The following GATAD2A variants were observed in gnomAD, a reference collection of about 807,000 sequenced individuals.
The protein encoded by GATAD2A is GATA zinc finger domain containing 2A.
GATAD2A carries 12 observed loss-of-function variants against 68.5 expected under a neutral mutation model. The ratio of observed to expected loss-of-function variants is 0.18; its 90% CI spans 0.11 to 0.28. The LOEUF is 0.28. Among genes scored for constraint, GATAD2A ranks in the 10% least tolerant of loss-of-function variants. The pLI, the probability that GATAD2A is intolerant of heterozygous loss-of-function variation, is 1.00. For missense variants in GATAD2A, 755 were observed against 868.5 expected (o/e 0.87, Z 1.64); for synonymous variants, 410 against 375.3 (o/e 1.09, Z -1.07).
intron 2 of GATAD2A, among the ~76,000 whole-genome samples, chr19:19,480,622 C>T (rs2058990417): frequency 1.3e-5 from 2 of 152,336 alleles, no homozygotes; most frequent in South Asian, 2.1e-4. Flanking sequence ...GACGTTTAAT[C>T]GCATTTCATG....
chr19:19,397,370 T>C (rs539643769), intron 1 of GATAD2A, among the ~76,000 whole-genome samples: 1 of 151,704 alleles, frequency 6.6e-6, no homozygotes, highest in East Asian at 1.9e-4. Context: ...AGCAGGAGAA[T>C]GAGTAATGTG....
chr19:19,420,928 C>T (rs1046005093), intron 1 of GATAD2A, among the ~76,000 whole-genome samples: 1 of 152,182 alleles, frequency 6.6e-6, no homozygotes, highest in African/African-American at 2.4e-5. Flanking sequence ...GCCACTGTTT[C>T]CTCTTTCAGT....
chr19:19,465,619 G>A lies in GATAD2A; in HGVS notation c.269+5G>A, dbSNP rs2148020180. 1.2e-6 allele frequency: 2 copies of A among 1,601,462 alleles called. No individual in the cohort carries two copies. The highest frequency in any genetic ancestry group is 2.3e-5 in the East Asian group (1 of 44,356). On this transcript the variant is annotated splice_donor_5th_base_variant and intron_variant, in intron 2 of 11. Coordinates refer to ENST00000683918, the MANE Select transcript of GATAD2A (RefSeq NM_001384528.1). The stretch of plus-strand genomic sequence containing the variant: ...GGACATGCGCACCTCACACAGGTGA[G>A]TGGGAGGAGCCAGCGGGAGGGGCTG...
chr19:19,483,801 T>C (rs1022014430), intron 2 of GATAD2A, among the ~76,000 whole-genome samples: 14 of 126,682 alleles, frequency 1.1e-4, no homozygotes, highest in Non-Finnish European at 2.2e-4. Context: ...TTTTTTTTTT[T>C]GTATTTTTAG....
At position 19,498,513 on chromosome 19, in the gene GATAD2A, C is replaced by T. The variant is rs770055407; in HGVS notation, c.995C>T (p.Ala332Val). The T allele has an allele frequency of 1.2e-6, 2 of 1,613,766 alleles. No individual in the cohort carries two copies. Among genetic ancestry groups the T allele is most frequent in the East Asian group, 2.2e-5 (1 of 44,878 alleles). ...GCCAACTCCACCCCCACTAGTGTGGCCTCTGTGGTCACCTCTGCCGAGTCT... is the reference window on the plus strand; with the variant it reads ...GCCAACTCCACCCCCACTAGTGTGGTCTCTGTGGTCACCTCTGCCGAGTCT... Reference protein sequence around the residue: ...AQANSTPTSVASVVTSAESPA... With the variant: ...AQANSTPTSVVSVVTSAESPA... Residue 332 changes from alanine to valine, a missense_variant, in exon 8 of 12, where the codon GCC becomes GTC. Physicochemically the swap from Ala to Val is moderately conservative, Grantham distance 64. Coordinates refer to ENST00000683918, the MANE Select transcript of GATAD2A (RefSeq NM_001384528.1).
chr19:19,494,708 C>T (rs2060030406), intron 5 of GATAD2A, among the ~76,000 whole-genome samples: 1 of 152,232 alleles, frequency 6.6e-6, no homozygotes, highest in African/African-American at 2.4e-5. Context: ...AGCCTCCTTC[C>T]AGGGCCTCCA....
intron 2 of GATAD2A, among the ~76,000 whole-genome samples, chr19:19,473,261 C>T (rs552879172): frequency 3.9e-5 from 6 of 152,244 alleles, no homozygotes; most frequent in East Asian, 3.9e-4. Flanking sequence ...ATGGTCTGGA[C>T]GGGGCAGGCT....
chr19:19,476,361 C>T (rs1354183030), intron 2 of GATAD2A, among the ~76,000 whole-genome samples: 3 of 152,180 alleles, frequency 2.0e-5, no homozygotes, highest in African/African-American at 7.2e-5. Context: ...GCATGTATTC[C>T]TGCTGTTGTC....
At chr19:19,394,629 TAG>T in intron 1 of GATAD2A, among the ~76,000 whole-genome samples, 1 of 152,202 alleles carries the variant, frequency 6.6e-6, no homozygotes, top group African/African-American at 2.4e-5. Flanking sequence ...TGTATTTTAG[TAG>T]AGACGGGGTT....
intron 11 of GATAD2A, among the ~76,000 whole-genome samples, chr19:19,503,673 T>TGTGTGTGTGTG (rs2060695530): frequency 6.6e-6 from 1 of 150,702 alleles, no homozygotes; most frequent in South Asian, 2.1e-4. Flanking sequence ...TGTGTGTGTG[T>TGTGTGTGTGTG]TTAAAGTTTG....
chr19:19,485,547 G>A (rs1000259452), intron 2 of GATAD2A, among the ~76,000 whole-genome samples: 1 of 152,224 alleles, frequency 6.6e-6, no homozygotes, highest in East Asian at 1.9e-4. Flanking sequence ...GTTTGGGGCA[G>A]TCAGACCTCA....
Position 19,502,513 on chromosome 19 carries a change from G to C in GATAD2A, c.1761G>C (p.Thr587=). The C allele has an allele frequency of 6.2e-7, 1 of 1,611,182 alleles. No individual in the cohort carries two copies. The highest frequency in any genetic ancestry group is 8.5e-7 in the Non-Finnish European group (1 of 1,178,688). The change falls in exon 11 of 12, where the codon ACG becomes ACC. Residue 587 remains threonine, a synonymous_variant. Coordinates refer to ENST00000683918, the MANE Select transcript of GATAD2A (RefSeq NM_001384528.1). The part of the protein sequence containing the change: ...KGSATSNWKK[T]PLSTGGTLAF... Reference sequence around the variant, plus strand: ...GCGCCACCTCCAACTGGAAGAAGACGCCCCTCAGCACAGGTGGGTGACCTC... The same window carrying C: ...GCGCCACCTCCAACTGGAAGAAGACCCCCCTCAGCACAGGTGGGTGACCTC...
Position 19,492,455 on chromosome 19 carries a change from C to T in GATAD2A, c.402+17C>T, listed in dbSNP as rs376675464. The T allele has an allele frequency of 4.8e-5, 77 of 1,613,562 alleles. No homozygotes were observed. Among genetic ancestry groups the T allele is most frequent in the Non-Finnish European group, 6.1e-5 (72 of 1,179,762 alleles). ...GCCCTCATGGTGAGCCACGTGTTGG[C>T]GCTGCCGCCGGAGCCCCACTGTGCC... On this transcript the variant is annotated intron_variant, in intron 3 of 11. Transcript: ENST00000683918.
At chr19:19,416,984 A>G (rs1258982573) in intron 1 of GATAD2A, among the ~76,000 whole-genome samples, 1 of 152,094 alleles carries the variant, frequency 6.6e-6, no homozygotes, top group African/African-American at 2.4e-5. Flanking sequence ...CTGGTCTCGA[A>G]CTTCTGACCT....
At chr19:19,448,540 G>A (rs2056010867) in intron 1 of GATAD2A, among the ~76,000 whole-genome samples, 2 of 152,360 alleles carry the variant, frequency 1.3e-5, no homozygotes, top group African/African-American at 2.4e-5. Context: ...CCAGGCTGGA[G>A]TGCAGTGGCA....
intron 1 of GATAD2A, among the ~76,000 whole-genome samples, chr19:19,412,907 G>A (rs775722785): frequency 6.6e-6 from 1 of 152,044 alleles, no homozygotes; most frequent in Non-Finnish European, 1.5e-5. Context: ...CTTTATGTTG[G>A]GTTTATCAGA....
At chr19:19,487,541 A>T (rs1475978762) in intron 2 of GATAD2A, among the ~76,000 whole-genome samples, 2 of 151,018 alleles carry the variant, frequency 1.3e-5, no homozygotes, top group East Asian at 2.0e-4. Flanking sequence ...AGGAACACAG[A>T]CCCACCAGCC....
intron 2 of GATAD2A, among the ~76,000 whole-genome samples, chr19:19,490,191 A>G (rs1367546486): frequency 6.6e-6 from 1 of 152,152 alleles, no homozygotes; most frequent in Non-Finnish European, 1.5e-5. Context: ...CTGCTTCATC[A>G]GGGCTAGGAC....
intron 1 of GATAD2A, among the ~76,000 whole-genome samples, chr19:19,440,764 G>A (rs1287046257): frequency 6.6e-6 from 1 of 152,246 alleles, no homozygotes; most frequent in East Asian, 1.9e-4. Flanking sequence ...ATGAATCTAG[G>A]TACATGTCAG....
Sources: allele counts gnomAD v4.1 joint callset (sites outside exome capture counted in the v4.1 genomes callset), GRCh38; gene constraint gnomAD v4.1.1; transcripts MANE v1.5; gene names NCBI Gene and HGNC (gene_info 2026-07-23, HGNC 2026-07-21).